The following FGF6 variants were observed in gnomAD, a reference collection of about 807,000 sequenced individuals.
The protein encoded by FGF6 is FGF-6.
Under a neutral mutation model 18.4 loss-of-function variants are expected in FGF6, and 14 were observed. The observed-to-expected ratio is 0.76, with a 90% CI of 0.50 to 1.19. The LOEUF (loss-of-function observed/expected upper bound fraction) is 1.19. FGF6 is among the 50% of genes most tolerant of loss of function. FGF6 has a pLI of 0.00. For synonymous variants in FGF6, 125 were observed against 116.7 expected (o/e 1.07, Z -0.46); for missense variants, 266 against 271.6 (o/e 0.98, Z 0.15).
At chr12:4,441,536 AG>A (rs1418555430) in intron 2 of FGF6, among the ~76,000 whole-genome samples, 19 of 152,260 alleles carry the variant, frequency 1.2e-4, no homozygotes, top group African/African-American at 4.1e-4. Context: ...TATTGTCTAA[AG>A]GGGGGCCTGG....
intron 2 of FGF6, among the ~76,000 whole-genome samples, chr12:4,437,303 A>T (rs1309285914): frequency 6.6e-6 from 1 of 152,202 alleles, no homozygotes; most frequent in Non-Finnish European, 1.5e-5. Context: ...ACCCTGGATC[A>T]CCAGTCCCAT....
Position 4,434,310 on chromosome 12 carries a change from C to T in FGF6, c.532G>A (p.Gly178Arg). Residue 178 changes from glycine (G) to arginine (R), a missense_variant, in exon 3 of 3, where the codon GGG (glycine) becomes AGG (arginine). By Grantham distance (125) the Gly-to-Arg change is moderately radical (BLOSUM62 -2). Coordinates refer to ENST00000228837, the MANE Select transcript of FGF6 (RefSeq NM_020996.3). ...TATTTGCTCAGGGCAATGTAGGTCC[C>T]TTGGTACAAGTCTGACTCGTAGGCA... ...YNAYESDLYQ[G>R]TYIALSKYGR... is the part of the protein sequence containing the mutation. 1.2e-6 allele frequency: 2 copies of T among 1,614,156 alleles called. No homozygotes were observed. The highest frequency in any genetic ancestry group is 1.7e-6 in the Non-Finnish European group (2 of 1,180,026).
intron 2 of FGF6, 24 bp downstream of exon 2, chr12:4,444,109 A>G (rs755274504): frequency 1.3e-6 from 2 of 1,498,194 alleles, no homozygotes; most frequent in Non-Finnish European, 9.3e-7. Flanking sequence ...TAAACCTGGC[A>G]CTTCCCCGGC....
intron 1 of FGF6, among the ~76,000 whole-genome samples, chr12:4,444,728 G>T (rs1269265669): frequency 6.6e-6 from 1 of 152,214 alleles, no homozygotes; most frequent in Non-Finnish European, 1.5e-5. Context: ...CATACAGCAA[G>T]CTGGCAGCTT....
At chr12:4,441,267 G>A (rs1027666890) in intron 2 of FGF6, among the ~76,000 whole-genome samples, 6 of 152,184 alleles carry the variant, frequency 3.9e-5, no homozygotes, top group South Asian at 2.1e-4. Flanking sequence ...GTTCAGTGAC[G>A]TTGCCCAAAG....
At position 4,444,163 on chromosome 12, in the gene FGF6, G is replaced by A. The variant is rs766323285; in HGVS notation, c.420C>T (p.Ala140=). The A allele has an allele frequency of 1.2e-6, 2 of 1,613,498 alleles. No individual in the cohort carries two copies. The highest frequency in any genetic ancestry group is 1.3e-5 in the African/African-American group (1 of 74,906). Residue 140 remains alanine, a synonymous_variant, in exon 2 of 3, where the codon GCC becomes GCT. Transcript: ENST00000228837. ...LFGVRSALFV[A]MNSKGRLYAT... ...CGTACAATCTTCCTTTACTGTTCAT[G>A]GCAACGAAGAGGGCACTTCTCACTC...
At chr12:4,443,679 G>T (rs1167308890) in intron 2 of FGF6, among the ~76,000 whole-genome samples, 1 of 152,174 alleles carries the variant, frequency 6.6e-6, no homozygotes, top group Non-Finnish European at 1.5e-5. Flanking sequence ...CACTGATGAG[G>T]ATGAAAATAG....
chr12:4,445,200 C>T lies in FGF6; in HGVS notation c.346+25G>A. ...GCATGAGCCCAAACCCCCAAGCGTC[C>T]CGACTGGCTGCAGCTGGCACTCACT... On this transcript the variant is annotated intron_variant, in intron 1 of 2. Transcript: ENST00000228837. This position sits in a 1 kb window ranked among gnomAD's most constrained non-coding sequence, Gnocchi z 5.5. 1 of 1,581,352 alleles carries T rather than the reference C, an allele frequency of 6.3e-7. No individual in the cohort carries two copies. Among genetic ancestry groups the T allele is most frequent in the Non-Finnish European group, 8.6e-7 (1 of 1,162,840 alleles).
chr12:4,441,004 C>G (rs1188314902), intron 2 of FGF6, among the ~76,000 whole-genome samples: 1 of 152,250 alleles, frequency 6.6e-6, no homozygotes, highest in Non-Finnish European at 1.5e-5. Flanking sequence ...GTCCTTTGCA[C>G]ATTGTCATAC....
rs972069847 is a variant in FGF6, at chr12:4,445,033, A to G, written c.346+192T>C. On this transcript the variant is annotated intron_variant, in intron 1 of 2. Coordinates refer to ENST00000228837, the MANE Select transcript of FGF6 (RefSeq NM_020996.3). This position sits in a 1 kb window ranked among gnomAD's most constrained non-coding sequence, Gnocchi z 5.5. The stretch of plus-strand genomic sequence containing the variant: ...GATCTAACCAAGGCGATGGCAAAGA[A>G]CACCAGGATGCTTGGACCGCAGTAT... Among the ~76,000 whole-genome samples the G allele has an allele frequency of 6.6e-6, 1 of 152,192 alleles. No individual in the cohort carries two copies. Among genetic ancestry groups the G allele is most frequent in the Admixed American group, 6.5e-5 (1 of 15,282 alleles).
intron 2 of FGF6, 27 bp downstream of exon 2, chr12:4,444,106 G>T: frequency 6.9e-7 from 1 of 1,453,442 alleles, no homozygotes; most frequent in Non-Finnish European, 9.7e-7. Context: ...TTGTAAACCT[G>T]GCACTTCCCC....
Position 4,434,243 on chromosome 12 carries a change from G to A in FGF6, c.599C>T (p.Thr200Ile), listed in dbSNP as rs368545163. ...GATCCTGGGAAGGAAATGAGTGACA[G>A]TCATGATCGGGGACACCTTGCTGCC... ...KRGSKVSPIMTVTHFLPRI is the reference protein window; with the variant it reads ...KRGSKVSPIMIVTHFLPRI Residue 200 changes from threonine to isoleucine, a missense_variant, in exon 3 of 3, where the codon ACT (threonine) becomes ATT (isoleucine). Thr to Ile is a moderately conservative substitution (Grantham distance 89). Coordinates refer to ENST00000228837, the MANE Select transcript of FGF6 (RefSeq NM_020996.3). The A allele has an allele frequency of 7.4e-6, 12 of 1,614,068 alleles. No homozygotes were observed. The African/African-American group carries it at 1.6e-4, about 22-fold the overall frequency.
At position 4,434,149 on chromosome 12, in the gene FGF6, T is replaced by G. The variant is rs919822543; in HGVS notation, c.*66A>C. 8 of 1,545,548 alleles carry G rather than the reference T, an allele frequency of 5.2e-6. No homozygotes were observed. In the African/African-American group the frequency reaches 9.5e-5, roughly 18 times the overall value. On this transcript the variant is annotated 3_prime_UTR_variant, in exon 3 of 3. Coordinates refer to ENST00000228837, the MANE Select transcript of FGF6 (RefSeq NM_020996.3). Reference sequence around the variant, plus strand: ...AGCCATGGAGGGCAAGGGGAATTCTTCGCTGGTGCAAAATTTCAATCGAAC... The same window carrying G: ...AGCCATGGAGGGCAAGGGGAATTCTGCGCTGGTGCAAAATTTCAATCGAAC...
At chr12:4,442,962 A>G (rs1865709936) in intron 2 of FGF6, among the ~76,000 whole-genome samples, 1 of 152,250 alleles carries the variant, frequency 6.6e-6, no homozygotes, top group African/African-American at 2.4e-5. Context: ...AGCTCTGCTG[A>G]ATAAGAATCT....
intron 2 of FGF6, among the ~76,000 whole-genome samples, chr12:4,437,607 G>A (rs1865641107): frequency 6.6e-6 from 1 of 152,190 alleles, no homozygotes; most frequent in Non-Finnish European, 1.5e-5. Flanking sequence ...GAGAAGTCCA[G>A]TACAGGTCAA....
rs767548600 is a variant in FGF6 at position 4,445,602 on chromosome 12, T to TAATG, written c.-36_-33dup. 9.3e-6 allele frequency: 14 copies of TAATG among 1,502,376 alleles called. No individual in the cohort carries two copies. Among genetic ancestry groups the TAATG allele is most frequent in the Non-Finnish European group, 1.3e-5 (14 of 1,115,588 alleles). The allele number at this position is 1,502,376 out of a possible 1,614,324, so 93.1% of individuals were successfully genotyped here. A position where few individuals can be genotyped will look rare whatever the true frequency, so the allele number is the denominator to read the frequency against. ...TGCCTCTCAGGCACGTGGTCAGAAT[T>TAATG]AATGGCCCTAAAAATACCGCCCTTC... On this transcript the variant is annotated 5_prime_UTR_variant, in exon 1 of 3. Coordinates refer to ENST00000228837, the MANE Select transcript of FGF6 (RefSeq NM_020996.3). This position sits in a 1 kb window ranked among gnomAD's most constrained non-coding sequence, Gnocchi z 5.5.
At chr12:4,443,047 C>T (rs544655850) in intron 2 of FGF6, among the ~76,000 whole-genome samples, 5 of 152,366 alleles carry the variant, frequency 3.3e-5, no homozygotes, top group Admixed American at 1.3e-4. Flanking sequence ...TCCACAGACC[C>T]GTGTGGGAGA....
At chr12:4,439,798 G>A (rs1166302964) in intron 2 of FGF6, among the ~76,000 whole-genome samples, 1 of 151,858 alleles carries the variant, frequency 6.6e-6, no homozygotes, top group African/African-American at 2.4e-5. Flanking sequence ...AAGACAACTA[G>A]TAGAGGAAGC....
intron 2 of FGF6, among the ~76,000 whole-genome samples, chr12:4,435,820 GTCC>G (rs1239684842): frequency 6.6e-6 from 1 of 152,106 alleles, no homozygotes; most frequent in Non-Finnish European, 1.5e-5. Context: ...ATCACCCCAA[GTCC>G]TCCTCTTTCC....
Sources: gnomAD v4.1 joint callset for allele counts (sites outside exome capture counted in the v4.1 genomes callset) on GRCh38, gnomAD v4.1.1 for gene constraint, Gnocchi (gnomAD v3.1) non-coding constraint, MANE v1.5 for transcripts, NCBI Gene and HGNC (gene_info 2026-07-23, HGNC 2026-07-21) for gene names.